Variants in MYO3B observed in about 807,000 individuals in gnomAD.
MYO3B encodes the protein myosin IIIB, also known as myosin-IIIb.
A neutral mutation model predicts 174.6 loss-of-function variants in MYO3B; 156 were observed. That is an observed-to-expected ratio of 0.89 (90% CI 0.78 to 1.02). MYO3B has a LOEUF of 1.02. MYO3B is among the 50% of genes least tolerant of loss of function. The pLI, the probability that MYO3B is intolerant of heterozygous loss-of-function variation, is 0.00. For missense variants in MYO3B, 1,632 were observed against 1,639.4 expected (o/e 1.00, Z 0.08); for synonymous variants, 563 against 569.1 (o/e 0.99, Z 0.15).
intron 23 of MYO3B, among the ~76,000 whole-genome samples, chr2:170,445,128 A>G (rs2094830850): frequency 6.6e-6 from 1 of 152,198 alleles, no homozygotes; most frequent in Non-Finnish European, 1.5e-5. Flanking sequence ...GTTTCTGTTA[A>G]AAGACACCCT....
At chr2:170,386,971 T>C (rs1423866520) in intron 13 of MYO3B, 135 bp from the exon 14 acceptor site, 2 of 729,082 alleles carry the variant, frequency 2.7e-6, no homozygotes, top group Non-Finnish European at 4.5e-6. Context: ...TGCTGGTGGT[T>C]GATGCTAACG....
intron 32 of MYO3B, among the ~76,000 whole-genome samples, chr2:170,575,032 G>T (rs1305331818): frequency 6.6e-6 from 1 of 152,106 alleles, no homozygotes; most frequent in Non-Finnish European, 1.5e-5. Context: ...GGTTTTGAGA[G>T]TACCTATAAC....
At chr2:170,463,726 G>C (rs1684450185) in intron 24 of MYO3B, among the ~76,000 whole-genome samples, 1 of 151,806 alleles carries the variant, frequency 6.6e-6, no homozygotes, top group South Asian at 2.1e-4. Flanking sequence ...AGTTAATAAA[G>C]TTCCAGAAGG....
intron 8 of MYO3B, among the ~76,000 whole-genome samples, chr2:170,352,208 C>A (rs1454434163): frequency 6.6e-6 from 1 of 152,194 alleles, no homozygotes; most frequent in Non-Finnish European, 1.5e-5. Context: ...CCTCCTTGGT[C>A]TCCCAAAATG....
At chr2:170,337,168 G>A (rs2093951930) in intron 8 of MYO3B, among the ~76,000 whole-genome samples, 1 of 151,974 alleles carries the variant, frequency 6.6e-6, no homozygotes, top group Non-Finnish European at 1.5e-5. Context: ...ACTTCCAGAG[G>A]TTTGGGACCC....
intron 9 of MYO3B, among the ~76,000 whole-genome samples, chr2:170,375,291 G>A (rs2094282982): frequency 6.6e-6 from 1 of 152,128 alleles, no homozygotes; most frequent in Non-Finnish European, 1.5e-5. Context: ...GTTATTGGGA[G>A]AAGAGTGAAA....
At chr2:170,552,704 A>G (rs749173029) in intron 32 of MYO3B, among the ~76,000 whole-genome samples, 4 of 152,216 alleles carry the variant, frequency 2.6e-5, no homozygotes, top group Non-Finnish European at 4.4e-5. Flanking sequence ...AGAAATTTGT[A>G]TGAGTAAAGA....
At chr2:170,472,057 C>G (rs971017528) in intron 25 of MYO3B, among the ~76,000 whole-genome samples, 2 of 148,530 alleles carry the variant, frequency 1.3e-5, no homozygotes, top group African/African-American at 4.9e-5. Context: ...TCTGGACTCT[C>G]TTCTATTCTT....
rs1197551164 is a variant in MYO3B at position 170,654,914 on chromosome 2, AATTTT to A, written c.*1802_*1806del. On this transcript the variant is annotated 3_prime_UTR_variant, in exon 35 of 35. Coordinates refer to ENST00000408978, the MANE Select transcript of MYO3B (RefSeq NM_138995.5). ...AAGTAGAGCAGAAAAAATGCAGATA[AATTTT>A]ATTTTATTGTTTAAAAAATAATGTG... 1 of 152,154 alleles carries A rather than the reference AATTTT, an allele frequency of 6.6e-6. No homozygotes were observed. Among genetic ancestry groups the A allele is most frequent in the East Asian group, 1.9e-4 (1 of 5,190 alleles). 9.4% of individuals were successfully genotyped at this position (152,154 alleles called of 1,614,324 possible). A position where few individuals can be genotyped will look rare whatever the true frequency, so the allele number is the denominator to read the frequency against.
At chr2:170,254,668 C>G (rs1481977106) in intron 7 of MYO3B, among the ~76,000 whole-genome samples, 2 of 152,164 alleles carry the variant, frequency 1.3e-5, no homozygotes, top group Non-Finnish European at 2.9e-5. Flanking sequence ...TGTGAGCACA[C>G]CACCCAGGGA....
At chr2:170,455,759 G>C (rs553276662) in intron 23 of MYO3B, among the ~76,000 whole-genome samples, 1 of 152,262 alleles carries the variant, frequency 6.6e-6, no homozygotes, top group Admixed American at 6.5e-5. Context: ...AAACTTACTC[G>C]TGACTACTCT....
intron 25 of MYO3B, among the ~76,000 whole-genome samples, chr2:170,487,108 T>G (rs1441482887): frequency 6.6e-6 from 1 of 152,232 alleles, no homozygotes. Flanking sequence ...GTGATTCTGA[T>G]GCAGGTGGTC....
In MYO3B at chr2:170,194,787, T is replaced by G. The variant is rs147097752; in HGVS notation, c.3-4421T>G. 9.8e-3 allele frequency among the ~76,000 whole-genome samples: 1,485 copies of G among 152,154 alleles called. 14 individuals carry two copies. Among genetic ancestry groups the G allele is most frequent in the Middle Eastern group, 0.041 (12 of 294 alleles). On this transcript the variant is annotated intron_variant, in intron 1 of 34. Transcript: ENST00000408978. Reference sequence around the variant, plus strand: ...GAGGAGCAAGGAAGTCAGTGGTAGATCAGTCCAAGTCCCAAAACCTCAAAA... The same window carrying G: ...GAGGAGCAAGGAAGTCAGTGGTAGAGCAGTCCAAGTCCCAAAACCTCAAAA...
chr2:170,367,158 G>C (rs1398893918), intron 8 of MYO3B, among the ~76,000 whole-genome samples: 1 of 152,128 alleles, frequency 6.6e-6, no homozygotes, highest in Non-Finnish European at 1.5e-5. Context: ...GGCTATTGAG[G>C]GACCCCTGGT....
At position 170,383,073 on chromosome 2, in the gene MYO3B, G is replaced by C. The variant is rs771451504; in HGVS notation, c.1069G>C (p.Asp357His). 5.0e-6 allele frequency: 8 copies of C among 1,585,332 alleles called. No homozygotes were observed. The change falls in exon 11 of 35, where the codon GAT becomes CAT. Residue 357 changes from aspartate to histidine, a missense_variant and splice_region_variant. Physicochemically the swap from Asp to His is moderately conservative, Grantham distance 81. Transcript: ENST00000408978. ...DLVNLEVLDEDTIIHQLQKRY... is the reference protein window; with the variant it reads ...DLVNLEVLDEHTIIHQLQKRY... Reference sequence around the variant, plus strand: ...TCAATACCATTTATCCTCTTCTTAGGATACAATTATCCATCAGTTGCAGAA... The same window carrying C: ...TCAATACCATTTATCCTCTTCTTAGCATACAATTATCCATCAGTTGCAGAA...
intron 8 of MYO3B, among the ~76,000 whole-genome samples, chr2:170,347,627 G>A (rs921603115): frequency 6.6e-6 from 1 of 151,988 alleles, no homozygotes; most frequent in Non-Finnish European, 1.5e-5. Context: ...AATAAATCAA[G>A]TGATGGACTT....
chr2:170,545,954 C>T (rs574980000), intron 32 of MYO3B, among the ~76,000 whole-genome samples: 1 of 152,308 alleles, frequency 6.6e-6, no homozygotes, highest in African/African-American at 2.4e-5. Context: ...GCATGACCTT[C>T]AAGGCTTTCT....
chr2:170,628,131 A>T (rs1575286685), intron 32 of MYO3B, among the ~76,000 whole-genome samples: 2 of 152,230 alleles, frequency 1.3e-5, no homozygotes, highest in South Asian at 4.1e-4. Flanking sequence ...TTTGGCTATG[A>T]CCTGCCTCCA....
chr2:170,435,606 A>T (rs983744796), intron 22 of MYO3B, among the ~76,000 whole-genome samples: 1 of 152,196 alleles, frequency 6.6e-6, no homozygotes, highest in Non-Finnish European at 1.5e-5. Context: ...CTGCGATATA[A>T]CTTAATCTTG....
Sources: allele counts gnomAD v4.1 joint callset (sites outside exome capture counted in the v4.1 genomes callset), GRCh38; gene constraint gnomAD v4.1.1; transcripts MANE v1.5; gene names NCBI Gene and HGNC (gene_info 2026-07-23, HGNC 2026-07-21).